Variants in PCLO observed in about 807,000 individuals in gnomAD.
The protein encoded by PCLO is protein piccolo.
In PCLO, 82 loss-of-function variants were observed where a neutral mutation model predicts 427.5. The ratio of observed to expected loss-of-function variants is 0.19; its 90% CI spans 0.16 to 0.23. The LOEUF (loss-of-function observed/expected upper bound fraction) is 0.23. Among genes scored for constraint, PCLO ranks in the 10% least tolerant of loss-of-function variants. PCLO has a pLI of 1.00. For synonymous variants in PCLO, 2,357 were observed against 2,155.4 expected (o/e 1.09, Z -2.59); for missense variants, 6,239 against 6,115.9 (o/e 1.02, Z -0.67).
At chr7:83,003,748 C>T (rs1787880111) in intron 3 of PCLO, among the ~76,000 whole-genome samples, 1 of 151,668 alleles carries the variant, frequency 6.6e-6, no homozygotes, top group Non-Finnish European at 1.5e-5. Context: ...GGGATGCTAA[C>T]ATTTTGTTGA....
Position 82,950,284 on chromosome 7 carries a change from C to T in PCLO, c.10304G>A (p.Arg3435Gln), listed in dbSNP as rs775369053. 117 of 1,613,362 alleles carry T rather than the reference C, an allele frequency of 7.3e-5. No individual in the cohort carries two copies. The highest frequency in any genetic ancestry group is 9.2e-5 in the Non-Finnish European group (108 of 1,179,802). The change falls in exon 6 of 25, where the codon CGA becomes CAA. Residue 3435 changes from arginine (R) to glutamine (Q), a missense_variant. By Grantham distance (43) the Arg-to-Gln change is conservative. Around this residue, in one of 5 missense-constraint regions of PCLO, gnomAD observed 4,677 missense variants for 4,468.4 expected, o/e 1.05. Transcript: ENST00000333891. The part of the protein sequence containing the change: ...DMGENMTDDP[R>Q]SFKKIVDSGV... The stretch of plus-strand genomic sequence containing the variant: ...ACTGTCCACTATCTTTTTAAAACTT[C>T]GGGGATCATCTGTCATATTTTCTCC...
Position 83,155,710 on chromosome 7 carries a change from G to T in PCLO, c.931C>A (p.Pro311Thr). Residue 311 changes from proline to threonine, a missense_variant, in exon 2 of 25, where the codon CCT (proline) becomes ACT (threonine). By Grantham distance (38) the Pro-to-Thr change is conservative (BLOSUM62 -1). This residue lies in a region of PCLO where 4,677 missense variants were observed against 4,468.4 expected (regional missense o/e 1.05). Coordinates refer to ENST00000333891, the MANE Select transcript of PCLO (RefSeq NM_033026.6). ...PSKPPIQQPT[P>T]GKPPAQQPGH... ...GGCTGCTGTGCTGGAGGTTTTCCAG[G>T]AGTTGGTTGCTGAATAGGTGGTTTG... The T allele has an allele frequency of 6.2e-7, 1 of 1,613,990 alleles. No individual in the cohort carries two copies. Among genetic ancestry groups the T allele is most frequent in the South Asian group, 1.1e-5 (1 of 91,086 alleles).
At chr7:82,858,578 A>G (rs1349458638) in intron 10 of PCLO, among the ~76,000 whole-genome samples, 1 of 152,182 alleles carries the variant, frequency 6.6e-6, no homozygotes, top group Non-Finnish European at 1.5e-5. Context: ...AAATACTGTT[A>G]TAATTAATAA....
At position 82,955,549 on chromosome 7, in the gene PCLO, T is replaced by A. The variant is rs572868112; in HGVS notation, c.5404A>T (p.Ser1802Cys). The change falls in exon 5 of 25, where the codon AGT (serine) becomes TGT (cysteine). Residue 1802 changes from serine (S) to cysteine (C), a missense_variant. Transcript: ENST00000333891. ...QREIEQQQRK[S>C]SSKKSKKDKD... Reference sequence around the variant, plus strand: ...TCTTTCTTTGATTTTTTACTAGAACTCTTTCTTTGTTGCTGTTCTATTTCC... The same window carrying A: ...TCTTTCTTTGATTTTTTACTAGAACACTTTCTTTGTTGCTGTTCTATTTCC... 2.8e-5 allele frequency: 45 copies of A among 1,613,976 alleles called. 2 individuals carry two copies. In the South Asian group the frequency reaches 4.8e-4, roughly 17 times the overall value.
chr7:82,991,904 A>G (rs1407442768), intron 3 of PCLO, among the ~76,000 whole-genome samples: 2 of 152,118 alleles, frequency 1.3e-5, no homozygotes, highest in African/African-American at 4.8e-5. Context: ...AAACTATTTT[A>G]TGGCATTATC....
intron 6 of PCLO, among the ~76,000 whole-genome samples, chr7:82,940,755 CTTTTT>C (rs71531190): frequency 9.2e-6 from 1 of 109,136 alleles, no homozygotes; most frequent in African/African-American, 3.5e-5. Context: ...TTTTTTCTTT[CTTTTT>C]TTTTTTTTTT....
At chr7:83,008,195 T>A (rs1236992288) in intron 3 of PCLO, among the ~76,000 whole-genome samples, 1 of 151,670 alleles carries the variant, frequency 6.6e-6, no homozygotes, top group African/African-American at 2.4e-5. Flanking sequence ...AAAATAAAGA[T>A]TGTATATTAG....
intron 14 of PCLO, among the ~76,000 whole-genome samples, chr7:82,840,186 G>A (rs1792331941): frequency 6.6e-6 from 1 of 152,088 alleles, no homozygotes; most frequent in Non-Finnish European, 1.5e-5. Flanking sequence ...GAAAGATCAA[G>A]TCAGTGAAAA....
intron 9 of PCLO, among the ~76,000 whole-genome samples, chr7:82,885,789 G>GA (rs552464459): frequency 0.071 from 9,938 of 139,082 alleles, 1,050 homozygotes; most frequent in African/African-American, 0.23. Flanking sequence ...AGAGCAAATG[G>GA]AAAAAAAAAA....
At chr7:82,786,787 G>T (rs372978621) in intron 22 of PCLO, among the ~76,000 whole-genome samples, 1 of 151,870 alleles carries the variant, frequency 6.6e-6, no homozygotes, top group African/African-American at 2.4e-5. Flanking sequence ...TCTCCACCCT[G>T]TGTACATGTG....
At chr7:83,096,655 A>G (rs1017317017) in intron 3 of PCLO, among the ~76,000 whole-genome samples, 6 of 138,434 alleles carry the variant, frequency 4.3e-5, no homozygotes, top group Admixed American at 8.3e-5. Flanking sequence ...ATAGTCTCTA[A>G]TTTGTCTTAT....
intron 13 of PCLO, among the ~76,000 whole-genome samples, chr7:82,842,611 G>C (rs946536113): frequency 6.6e-6 from 1 of 152,046 alleles, no homozygotes; most frequent in Non-Finnish European, 1.5e-5. Context: ...TCAACAGAGT[G>C]AAGAGACAAC....
intron 6 of PCLO, among the ~76,000 whole-genome samples, chr7:82,937,090 A>G (rs917203052): frequency 2.0e-5 from 3 of 151,698 alleles, no homozygotes; most frequent in Admixed American, 6.6e-5. Context: ...TGATTGTACA[A>G]CATTAAAATA....
chr7:83,109,158 T>C (rs1221542572), intron 3 of PCLO, among the ~76,000 whole-genome samples: 1 of 152,152 alleles, frequency 6.6e-6, no homozygotes, highest in Non-Finnish European at 1.5e-5. Context: ...TGCCCACATC[T>C]ATATCCAAAC....
In PCLO at chr7:83,162,587, G is replaced by A; in HGVS notation, c.6C>T (p.Gly2=). The stretch of plus-strand genomic sequence containing the variant: ...CTTCCCCTTCCAAGCTCGCCTCGTT[G>A]CCCATGGCTCAGGGAGACTCGGGGC... M[G]NEASLEGEGL... Residue 2 remains glycine, a synonymous_variant, in exon 1 of 25, where the codon GGC becomes GGT. Transcript: ENST00000333891. The A allele has an allele frequency of 6.5e-7, 1 of 1,545,726 alleles. No homozygotes were observed. Among genetic ancestry groups the A allele is most frequent in the Non-Finnish European group, 8.7e-7 (1 of 1,147,626 alleles).
chr7:82,955,126 T>C lies in PCLO; in HGVS notation c.5827A>G (p.Lys1943Glu). 1 of 1,613,846 alleles carries C rather than the reference T, an allele frequency of 6.2e-7. No homozygotes were observed. The highest frequency in any genetic ancestry group is 8.5e-7 in the Non-Finnish European group (1 of 1,179,852). The change falls in exon 5 of 25, where the codon AAA becomes GAA. Residue 1943 changes from lysine to glutamate, a missense_variant. Lys to Glu is a moderately conservative substitution (Grantham distance 56). This residue lies in a region of PCLO where 4,677 missense variants were observed against 4,468.4 expected (regional missense o/e 1.05). Coordinates refer to ENST00000333891, the MANE Select transcript of PCLO (RefSeq NM_033026.6). ...AGCATCCCACCATACAAAGGCTCTT[T>C]TTCAAACACTTCATCTCGTTCATTT... ...AANERDEVFE[K>E]EPLYGGMLIE...
intron 9 of PCLO, among the ~76,000 whole-genome samples, chr7:82,901,873 G>A (rs1386699159): frequency 6.6e-6 from 1 of 151,772 alleles, no homozygotes; most frequent in Non-Finnish European, 1.5e-5. Flanking sequence ...AAACAACAAT[G>A]AGATACCATC....
intron 3 of PCLO, among the ~76,000 whole-genome samples, chr7:83,073,470 A>G (rs1454051594): frequency 6.6e-6 from 1 of 152,010 alleles, no homozygotes; most frequent in East Asian, 1.9e-4. Context: ...GTAAACAAAG[A>G]TAAATGGCAA....
chr7:82,879,317 G>A lies in PCLO; in HGVS notation c.13654+20C>T, dbSNP rs780642167. ...ATGAGTGCATTCATTTTATTTTACT[G>A]TAAAATTCCTTATTCTTACCTTCCA... On this transcript the variant is annotated intron_variant, in intron 10 of 24. Coordinates refer to ENST00000333891, the MANE Select transcript of PCLO (RefSeq NM_033026.6). 1.9e-6 allele frequency: 3 copies of A among 1,589,322 alleles called. No homozygotes were observed. The highest frequency in any genetic ancestry group is 1.8e-5 in the Admixed American group (1 of 55,274).
Sources: allele counts gnomAD v4.1 joint callset (sites outside exome capture counted in the v4.1 genomes callset), GRCh38; gene constraint gnomAD v4.1.1; regional missense constraint gnomAD v4.1.1; transcripts MANE v1.5; gene names NCBI Gene and HGNC (gene_info 2026-07-23, HGNC 2026-07-21).